MID1: variants seen among roughly 807,000 people sequenced by gnomAD.
The protein encoded by MID1 is midline 1, also known as E3 ubiquitin-protein ligase Midline-1.
MID1 carries 7 observed loss-of-function variants against 40.4 expected under a neutral mutation model. That is an observed-to-expected ratio of 0.17 (90% CI 0.10 to 0.33). MID1 has a LOEUF of 0.33. Ranked by LOEUF, MID1 falls within the 10% of genes least tolerant of loss-of-function variation. The pLI is 1.00. For synonymous variants in MID1, 229 were observed against 221.2 expected, an observed-to-expected ratio of 1.04 and a Z score of -0.31; for missense variants, 367 against 558.5, an observed-to-expected ratio of 0.66 and a Z score of 3.46.
chrX:10,719,210 G>C (rs1266617255), intron 1 of MID1, among the ~76,000 whole-genome samples: 1 of 108,454 alleles, frequency 9.2e-6, no homozygotes, highest in Non-Finnish European at 1.9e-5. Context: ...AATCAGGCAG[G>C]AGAAGGAAAT....
intron 2 of MID1, among the ~76,000 whole-genome samples, chrX:10,526,313 CA>C (rs1932829673): frequency 1.8e-5 from 2 of 109,442 alleles, no homozygotes; most frequent in African/African-American, 6.8e-5. Context: ...ACAACAACAA[CA>C]AAAGCCAAAG....
intron 1 of MID1, among the ~76,000 whole-genome samples, chrX:10,813,773 T>C (rs2044117881): frequency 9.0e-6 from 1 of 111,710 alleles, no homozygotes; most frequent in Non-Finnish European, 1.9e-5. Flanking sequence ...ACCAAGATAA[T>C]TGCTCATCAG....
In MID1 at chrX:10,446,554, A is replaced by T. The variant is rs1020122584; in HGVS notation, c.*2814T>A. 1 of 112,003 alleles carries T rather than the reference A, an allele frequency of 8.9e-6. No individual in the cohort carries two copies. The highest frequency in any genetic ancestry group is 9.5e-5 in the Admixed American group (1 of 10,580). The allele number at this position is 112,003 out of a possible 1,213,427, so 9.2% of individuals were successfully genotyped here. A position where few individuals can be genotyped will look rare whatever the true frequency, so the allele number is the denominator to read the frequency against. ...ATCTTAATCCACTATTTAGAGTCCT[A>T]CTTGAATGATATCGCCAGCAACTTT... On this transcript the variant is annotated 3_prime_UTR_variant, in exon 10 of 10. Coordinates refer to ENST00000317552, the MANE Select transcript of MID1 (RefSeq NM_000381.4).
At chrX:10,496,434 T>C (rs1263560468) in intron 3 of MID1, among the ~76,000 whole-genome samples, 1 of 112,293 alleles carries the variant, frequency 8.9e-6, no homozygotes, top group Non-Finnish European at 1.9e-5. Flanking sequence ...CAACTAGGCC[T>C]GGGAAATACT....
intron 1 of MID1, among the ~76,000 whole-genome samples, chrX:10,743,913 C>G (rs975588667): frequency 8.1e-5 from 9 of 111,732 alleles, no homozygotes; most frequent in Non-Finnish European, 1.7e-4. Flanking sequence ...AATTGGTCAT[C>G]ATTTTGAGAC....
At chrX:10,796,555 T>C (rs1224893695) in intron 1 of MID1, among the ~76,000 whole-genome samples, 2 of 110,181 alleles carry the variant, frequency 1.8e-5, no homozygotes, top group Non-Finnish European at 3.8e-5. Flanking sequence ...TTTTGCTTTA[T>C]ACCCTCTACT....
At chrX:10,827,471 CAGAG>C (rs58413595) in intron 1 of MID1, among the ~76,000 whole-genome samples, 21 of 84,983 alleles carry the variant, frequency 2.5e-4, no homozygotes, top group Middle Eastern at 5.8e-3. Context: ...GCCCACCAGC[CAGAG>C]AGAGAGAGAG....
chrX:10,502,208 T>G (rs143386887), intron 3 of MID1, among the ~76,000 whole-genome samples: 7,804 of 111,606 alleles, frequency 0.07, 557 homozygotes, highest in African/African-American at 0.21. Context: ...AAAAAAAATA[T>G]CTGGCCAGTT....
chrX:10,565,977 T>C lies in MID1; in HGVS notation c.660+911A>G, dbSNP rs1371937614. ...GGCACCCACCACCACACCCGGCTAATTTTTTTATTTTTAGTAGAGATGGGG... is the reference window on the plus strand; with the variant it reads ...GGCACCCACCACCACACCCGGCTAACTTTTTTATTTTTAGTAGAGATGGGG... On this transcript the variant is annotated intron_variant, in intron 2 of 9. Coordinates refer to ENST00000317552, the MANE Select transcript of MID1 (RefSeq NM_000381.4). Among the ~76,000 whole-genome samples, 4 of 110,413 alleles carry C rather than the reference T, an allele frequency of 3.6e-5. No homozygotes were observed. In the Admixed American group the frequency reaches 3.8e-4, roughly 11 times the overall value.
chrX:10,717,264 G>C (rs890907406), intron 1 of MID1, among the ~76,000 whole-genome samples: 3 of 110,093 alleles, frequency 2.7e-5, no homozygotes, highest in Admixed American at 9.7e-5. Flanking sequence ...TCGATAAAGA[G>C]TCAAGACTCA....
At chrX:10,723,283 G>A (rs2043369564) in intron 1 of MID1, among the ~76,000 whole-genome samples, 1 of 111,698 alleles carries the variant, frequency 9.0e-6, no homozygotes, top group South Asian at 3.7e-4. Context: ...TTCCAGGGCC[G>A]ACTTTGCCTT....
intron 1 of MID1, among the ~76,000 whole-genome samples, chrX:10,630,100 G>A (rs1286800466): frequency 8.9e-6 from 1 of 111,988 alleles, no homozygotes; most frequent in Non-Finnish European, 1.9e-5. Context: ...TATTTATTGG[G>A]TGTCTACTAT....
intron 1 of MID1, among the ~76,000 whole-genome samples, chrX:10,739,551 T>G (rs2043508572): frequency 8.9e-6 from 1 of 111,939 alleles, no homozygotes; most frequent in African/African-American, 3.2e-5. Flanking sequence ...ATGATTAAGC[T>G]AAAATTTTAT....
At chrX:10,474,839 A>C in intron 5 of MID1, 89 bp from the exon 6 acceptor site, 3 of 1,009,279 alleles carry the variant, frequency 3.0e-6, no homozygotes, top group Non-Finnish European at 1.4e-6. Flanking sequence ...GAAAATAAAT[A>C]TCTCTTAAAA....
intron 1 of MID1, among the ~76,000 whole-genome samples, chrX:10,610,866 G>A (rs778852661): frequency 9.0e-6 from 1 of 111,652 alleles, no homozygotes; most frequent in Admixed American, 9.5e-5. Flanking sequence ...ACAATTAGGA[G>A]TTGTGCCTAT....
chrX:10,829,997 G>A (rs1303914625), intron 1 of MID1, among the ~76,000 whole-genome samples: 1 of 112,343 alleles, frequency 8.9e-6, no homozygotes, highest in African/African-American at 3.2e-5. Context: ...CCCAAAGAGA[G>A]TGGTTTTGAA....
intron 1 of MID1, among the ~76,000 whole-genome samples, chrX:10,662,252 C>T (rs757510798): frequency 7.2e-5 from 8 of 110,531 alleles, no homozygotes; most frequent in African/African-American, 2.6e-4. Context: ...TGTGGTGAGC[C>T]GAGATCACAC....
intron 1 of MID1, among the ~76,000 whole-genome samples, chrX:10,690,186 T>C (rs1403883075): frequency 8.9e-6 from 1 of 111,809 alleles, no homozygotes. Context: ...CAAATATCTA[T>C]GAGGTCAACA....
intron 1 of MID1, among the ~76,000 whole-genome samples, chrX:10,740,671 T>G (rs918813154): frequency 9.0e-6 from 1 of 111,583 alleles, no homozygotes; most frequent in Non-Finnish European, 1.9e-5. Flanking sequence ...AATAATATTT[T>G]CTTCAAGGCT....
Sources: allele counts gnomAD v4.1 joint callset (sites outside exome capture counted in the v4.1 genomes callset), GRCh38; gene constraint gnomAD v4.1.1; transcripts MANE v1.5; gene names NCBI Gene and HGNC (gene_info 2026-07-23, HGNC 2026-07-21).